The following SLC2A1 variants were observed in gnomAD, a reference collection of about 807,000 sequenced individuals.
SLC2A1 encodes solute carrier family 2 member 1, also known as solute carrier family 2, facilitated glucose transporter member 1.
In SLC2A1, 4 loss-of-function variants were observed where a neutral mutation model predicts 46.6. The observed-to-expected ratio is 0.09, with a 90% CI of 0.04 to 0.20. The LOEUF is 0.20. SLC2A1 is among the 10% of genes least tolerant of loss of function. The probability of loss-of-function intolerance (pLI) is 1.00; values close to 1 mark genes in which losing one functional copy is unlikely to be tolerated. For synonymous variants in SLC2A1, 253 were observed against 270.0 expected (o/e 0.94, Z 0.62); for missense variants, 352 against 667.0 (o/e 0.53, Z 5.20).
chr1:42,933,639 G>A (rs1353873262), intron 2 of SLC2A1, among the ~76,000 whole-genome samples: 1 of 152,146 alleles, frequency 6.6e-6, no homozygotes, highest in Non-Finnish European at 1.5e-5. Context: ...TAACCCCAGA[G>A]GAGGACTGGT....
chr1:42,928,886 G>T, intron 8 of SLC2A1, 46 bp downstream of exon 8: 1 of 1,552,212 alleles, frequency 6.4e-7, no homozygotes, highest in South Asian at 1.1e-5. Context: ...ATGAAGCCCA[G>T]GCAAACTCTC....
At chr1:42,955,435 C>T (rs1022536507) in intron 1 of SLC2A1, among the ~76,000 whole-genome samples, 4 of 152,142 alleles carry the variant, frequency 2.6e-5, no homozygotes, top group Non-Finnish European at 4.4e-5. Flanking sequence ...ATGGCGAAAC[C>T]CTGTCTCTAC....
intron 2 of SLC2A1, among the ~76,000 whole-genome samples, chr1:42,936,362 G>A (rs1179246546): frequency 6.6e-6 from 1 of 152,162 alleles, no homozygotes; most frequent in Non-Finnish European, 1.5e-5. Flanking sequence ...TCTTCCAGTT[G>A]GGGCTGGCCC....
In SLC2A1 at chr1:42,958,760, G is replaced by T; in HGVS notation, c.-109C>A. On this transcript the variant is annotated 5_prime_UTR_variant, in exon 1 of 10. Coordinates refer to ENST00000426263, the MANE Select transcript of SLC2A1 (RefSeq NM_006516.4). ...GTGCTCCGGTCCGGGGACTCCCACTGCGACTCTGACTCCGACCCCCGTCGT... is the reference window on the plus strand; with the variant it reads ...GTGCTCCGGTCCGGGGACTCCCACTTCGACTCTGACTCCGACCCCCGTCGT... 1 of 1,181,958 alleles carries T rather than the reference G, an allele frequency of 8.5e-7. No homozygotes were observed. Among genetic ancestry groups the T allele is most frequent in the Non-Finnish European group, 1.2e-6 (1 of 836,196 alleles). 73.2% of individuals were successfully genotyped at this position (1,181,958 alleles called of 1,614,324 possible). A position where few individuals can be genotyped will look rare whatever the true frequency, so the allele number is the denominator to read the frequency against.
At chr1:42,946,328 A>G (rs1643655042) in intron 1 of SLC2A1, among the ~76,000 whole-genome samples, 1 of 152,166 alleles carries the variant, frequency 6.6e-6, no homozygotes. Context: ...TGACTAAAAT[A>G]CCAGTGACCC....
rs1272617622 is a variant in SLC2A1, at chr1:42,940,949, C to A, written c.114+2277G>T. 4.6e-5 allele frequency among the ~76,000 whole-genome samples: 7 copies of A among 152,150 alleles called. No individual in the cohort carries two copies. The East Asian group carries it at 1.4e-3, about 30-fold the overall frequency. ...CCCACGGCCACCTCTCAGCTCCTGG[C>A]ACACCTGCTCCTTCTTCAAACCACA... On this transcript the variant is annotated intron_variant, in intron 2 of 9. Coordinates refer to ENST00000426263, the MANE Select transcript of SLC2A1 (RefSeq NM_006516.4).
intron 1 of SLC2A1, among the ~76,000 whole-genome samples, chr1:42,956,204 C>T (rs1178272756): frequency 6.6e-6 from 1 of 152,106 alleles, no homozygotes; most frequent in Admixed American, 6.6e-5. Context: ...TTTGAAATTT[C>T]TATTTTATGA....
At chr1:42,941,617 T>C (rs976102510) in intron 2 of SLC2A1, among the ~76,000 whole-genome samples, 13 of 152,230 alleles carry the variant, frequency 8.5e-5, no homozygotes, top group Admixed American at 3.9e-4. Context: ...TCGAATTGGT[T>C]GGGAAGCTTT....
intron 1 of SLC2A1, chr1:42,952,479 G>T: frequency 2.2e-6 from 1 of 447,268 alleles, no homozygotes; most frequent in East Asian, 7.0e-5. Flanking sequence ...CATGACCGCT[G>T]GGACACTGGA....
intron 2 of SLC2A1, among the ~76,000 whole-genome samples, chr1:42,939,189 A>T (rs1300901281): frequency 6.6e-6 from 1 of 152,252 alleles, no homozygotes; most frequent in Non-Finnish European, 1.5e-5. Context: ...GTTACTACAC[A>T]TGGGCTCTGA....
intron 2 of SLC2A1, among the ~76,000 whole-genome samples, chr1:42,940,983 A>G (rs1208906905): frequency 6.6e-6 from 1 of 152,114 alleles, no homozygotes; most frequent in African/African-American, 2.4e-5. Flanking sequence ...CACATCACCC[A>G]TGCCAGAAAC....
chr1:42,951,149 A>C (rs983206030), intron 1 of SLC2A1, among the ~76,000 whole-genome samples: 1 of 152,236 alleles, frequency 6.6e-6, no homozygotes, highest in African/African-American at 2.4e-5. Context: ...GGAACTTGAT[A>C]GGTTAGTTGA....
intron 8 of SLC2A1, among the ~76,000 whole-genome samples, chr1:42,928,573 C>T (rs934356877): frequency 1.3e-5 from 2 of 152,298 alleles, no homozygotes; most frequent in Admixed American, 1.3e-4. Context: ...CATGTTTCTG[C>T]GCCTCTATGG....
In SLC2A1 at chr1:42,930,662, G is replaced by A. The variant is rs1643479030; in HGVS notation, c.480C>T (p.His160=). 4 of 1,612,886 alleles carry A rather than the reference G, an allele frequency of 2.5e-6. No individual in the cohort carries two copies. The highest frequency in any genetic ancestry group is 1.7e-5 in the Admixed American group (1 of 59,878). ...GGATGCCGACGACGATGCCCAGCTG[G>A]TGCAGGGTGCCCAGGGCCCCACGAA... The part of the protein sequence containing the change: ...TALRGALGTL[H]QLGIVVGILI... The change falls in exon 4 of 10, where the codon CAC becomes CAT. Residue 160 remains histidine (H), a synonymous_variant. Transcript: ENST00000426263. This position sits in a 1 kb window ranked among gnomAD's most constrained non-coding sequence, Gnocchi z 6.2.
At chr1:42,951,913 A>G (rs1312037854) in intron 1 of SLC2A1, 1 of 405,960 alleles carries the variant, frequency 2.5e-6, no homozygotes, top group African/African-American at 2.1e-5. Flanking sequence ...GAACAGGTCC[A>G]ATCTTCCATA....
rs1643613539 is a variant in SLC2A1, at chr1:42,943,001, C to T, written c.114+225G>A. ...TGGTCAAGAGGGCCTATACAAGACC[C>T]CAGGATTCTGTGGGACCTGAGATTC... On this transcript the variant is annotated intron_variant, in intron 2 of 9. Coordinates refer to ENST00000426263, the MANE Select transcript of SLC2A1 (RefSeq NM_006516.4). 20 of 606,028 alleles carry T rather than the reference C, an allele frequency of 3.3e-5. No homozygotes were observed. In the East Asian group the frequency reaches 5.7e-4, roughly 17 times the overall value. 37.5% of individuals were successfully genotyped at this position (606,028 alleles called of 1,614,324 possible). A position where few individuals can be genotyped will look rare whatever the true frequency, so the allele number is the denominator to read the frequency against.
intron 2 of SLC2A1, among the ~76,000 whole-genome samples, chr1:42,941,981 C>T (rs1458044550): frequency 6.6e-6 from 1 of 152,220 alleles, no homozygotes; most frequent in Non-Finnish European, 1.5e-5. Flanking sequence ...GGGCGTGGCC[C>T]CATAGCCACT....
chr1:42,934,056 A>G (rs532680784), intron 2 of SLC2A1, among the ~76,000 whole-genome samples: 2 of 152,348 alleles, frequency 1.3e-5, no homozygotes, highest in East Asian at 3.9e-4. Context: ...TTTGAATTGT[A>G]TACAAAGAAA....
At chr1:42,932,249 GCAGCCCTGCCCAC>G (rs1054135825) in intron 2 of SLC2A1, among the ~76,000 whole-genome samples, 2 of 152,086 alleles carry the variant, frequency 1.3e-5, no homozygotes, top group African/African-American at 2.4e-5. Flanking sequence ...CCGTCCTAGG[GCAGCCCTGCCCAC>G]CAGCCCTGCC....
Sources: gnomAD v4.1 joint callset for allele counts (sites outside exome capture counted in the v4.1 genomes callset) on GRCh38, gnomAD v4.1.1 for gene constraint, Gnocchi (gnomAD v3.1) non-coding constraint, MANE v1.5 for transcripts, NCBI Gene and HGNC (gene_info 2026-07-23, HGNC 2026-07-21) for gene names.